Variants in NELL1 observed in about 807,000 individuals in gnomAD.
NELL1 encodes the protein protein kinase C-binding protein NELL1.
In NELL1, 76 loss-of-function variants were observed where a neutral mutation model predicts 107.4. The observed-to-expected ratio is 0.71, with a 90% confidence interval of 0.59 to 0.86. The LOEUF (loss-of-function observed/expected upper bound fraction) is 0.86, where lower values mean the gene tolerates loss of function less well. NELL1 is among the 40% of genes least tolerant of loss of function. The pLI, the probability that NELL1 is intolerant of heterozygous loss-of-function variation, is 0.00. For synonymous variants in NELL1, 353 were observed against 341.2 expected, an observed-to-expected ratio of 1.03 and a Z score of -0.38; for missense variants, 1,024 against 1,005.5, an observed-to-expected ratio of 1.02 and a Z score of -0.25.
intron 14 of NELL1, among the ~76,000 whole-genome samples, chr11:21,331,384 T>C (rs1248875062): frequency 6.6e-6 from 1 of 152,080 alleles, no homozygotes; most frequent in Admixed American, 6.6e-5. Context: ...GTTTGCATGC[T>C]TATTTGTTTA....
At position 21,007,272 on chromosome 11, in the gene NELL1, C is replaced by G. The variant is rs190435762; in HGVS notation, c.1300+46712C>G. ...TTCTGAAATCACTAGAACCTTTAAA[C>G]TTGCTACAAATGTCAGTTTTTAGTG... is the stretch of plus-strand genomic sequence containing the variant. On this transcript the variant is annotated intron_variant, in intron 12 of 19. Coordinates refer to ENST00000357134, the MANE Select transcript of NELL1 (RefSeq NM_006157.5). 5.9e-5 allele frequency among the ~76,000 whole-genome samples: 9 copies of G among 152,196 alleles called. No individual in the cohort carries two copies. In the East Asian group the frequency reaches 1.2e-3, roughly 20 times the overall value.
At chr11:21,372,693 G>A (rs1479925170) in intron 15 of NELL1, among the ~76,000 whole-genome samples, 1 of 151,678 alleles carries the variant, frequency 6.6e-6, no homozygotes, top group African/African-American at 2.4e-5. Context: ...ATCAGGGGGT[G>A]GTTTCACGAA....
At chr11:20,791,005 T>A (rs1456481652) in intron 3 of NELL1, among the ~76,000 whole-genome samples, 3 of 152,242 alleles carry the variant, frequency 2.0e-5, no homozygotes, top group African/African-American at 7.2e-5. Context: ...GTTTGGAAAT[T>A]GATGAATCTT....
At chr11:21,259,932 A>G (rs958072484) in intron 14 of NELL1, 6 of 151,894 alleles carry the variant, frequency 4.0e-5, no homozygotes, top group African/African-American at 9.7e-5. Context: ...GATGTGATTT[A>G]TGTACACTCA....
intron 14 of NELL1, among the ~76,000 whole-genome samples, chr11:21,339,268 C>T (rs369348312): frequency 8.6e-5 from 13 of 152,030 alleles, no homozygotes; most frequent in Admixed American, 5.9e-4. Context: ...GCAAGACAAC[C>T]GTATAAAGGT....
chr11:21,573,282 AC>A lies in NELL1; in HGVS notation c.2259del (p.Cys754AlafsTer2), dbSNP rs776718766. Reference protein sequence around the residue: ...EGECCPRCVSDPCLADNITYD... With the variant: ...EGECCPRCVSXPCLADNITYD... The stretch of plus-strand genomic sequence containing the variant: ...GAATGTTGTCCCCGCTGTGTCAGTG[AC>A]CCCTGCCTAGCTGATAACATCACCT... On this transcript the variant is annotated frameshift_variant, in exon 19 of 20. Transcript: ENST00000357134. LOFTEE classifies it high-confidence loss of function. 1.9e-6 allele frequency: 3 copies of A among 1,612,394 alleles called. No homozygotes were observed. Among genetic ancestry groups the A allele is most frequent in the African/African-American group, 2.7e-5 (2 of 74,756 alleles).
chr11:21,490,458 C>CAAAA (rs66826369), intron 15 of NELL1, among the ~76,000 whole-genome samples: 1 of 109,978 alleles, frequency 9.1e-6, no homozygotes, highest in African/African-American at 3.4e-5. Context: ...TGTATGGAAC[C>CAAAA]AAAAAAAAAA....
chr11:21,149,620 G>A (rs1261322562), intron 13 of NELL1, among the ~76,000 whole-genome samples: 2 of 152,182 alleles, frequency 1.3e-5, no homozygotes, highest in Non-Finnish European at 2.9e-5. Context: ...TTCAAGGTGA[G>A]ATTTGGATGG....
At chr11:21,529,219 T>C (rs1201809983) in intron 15 of NELL1, among the ~76,000 whole-genome samples, 5 of 152,174 alleles carry the variant, frequency 3.3e-5, no homozygotes, top group African/African-American at 9.7e-5. Flanking sequence ...TTCCTGGAAA[T>C]TGGCCTGTAG....
chr11:21,346,964 T>G (rs904690219), intron 14 of NELL1, among the ~76,000 whole-genome samples: 2 of 152,112 alleles, frequency 1.3e-5, no homozygotes, highest in Non-Finnish European at 2.9e-5. Context: ...GTTTAGGAGA[T>G]TATATGCCTG....
In NELL1 at chr11:20,817,292, T is replaced by A. The variant is rs973578596; in HGVS notation, c.336-30291T>A. Among the ~76,000 whole-genome samples the A allele has an allele frequency of 2.9e-4, 44 of 152,042 alleles. 1 individual carries two copies. Among genetic ancestry groups the A allele is most frequent in the African/African-American group, 1.1e-3 (44 of 41,438 alleles). On this transcript the variant is annotated intron_variant, in intron 3 of 19. Coordinates refer to ENST00000357134, the MANE Select transcript of NELL1 (RefSeq NM_006157.5). Reference sequence around the variant, plus strand: ...CTAGGGCTTTTTTTTGCTTGGTAATTTTTTTACTGACTAAATTTCAGATCT... The same window carrying A: ...CTAGGGCTTTTTTTTGCTTGGTAATATTTTTACTGACTAAATTTCAGATCT...
At chr11:21,441,930 T>A (rs572183427) in intron 15 of NELL1, among the ~76,000 whole-genome samples, 1 of 152,332 alleles carries the variant, frequency 6.6e-6, no homozygotes, top group South Asian at 2.1e-4. Context: ...ATGTTACTTT[T>A]ATCATCCTCC....
At chr11:21,444,791 C>T (rs867369405) in intron 15 of NELL1, among the ~76,000 whole-genome samples, 8 of 151,948 alleles carry the variant, frequency 5.3e-5, no homozygotes, top group Non-Finnish European at 1.0e-4. Flanking sequence ...TTATACTCAC[C>T]CTGTTGTGCT....
At chr11:21,031,535 C>A (rs564276163) in intron 12 of NELL1, among the ~76,000 whole-genome samples, 5 of 152,310 alleles carry the variant, frequency 3.3e-5, no homozygotes, top group Admixed American at 2.0e-4. Context: ...CTGCCTGTTT[C>A]CCTTCCTCAT....
chr11:21,218,522 A>C (rs1857673675), intron 13 of NELL1, among the ~76,000 whole-genome samples: 1 of 152,250 alleles, frequency 6.6e-6, no homozygotes, highest in African/African-American at 2.4e-5. Flanking sequence ...CCAGTATTTA[A>C]AAATATGCAA....
At chr11:21,000,208 A>G (rs1852185225) in intron 12 of NELL1, among the ~76,000 whole-genome samples, 5 of 152,144 alleles carry the variant, frequency 3.3e-5, no homozygotes, top group Non-Finnish European at 1.5e-5. Flanking sequence ...CGGCACATGT[A>G]TACATATGTA....
rs756046315 is a variant in NELL1, at chr11:20,677,996, C to T, written c.120C>T (p.Asn40=). 6.2e-7 allele frequency: 1 copy of T among 1,614,148 alleles called. No individual in the cohort carries two copies. The highest frequency in any genetic ancestry group is 8.5e-7 in the Non-Finnish European group (1 of 1,179,998). Residue 40 remains asparagine, a synonymous_variant, in exon 2 of 20, where the codon AAC becomes AAT. Coordinates refer to ENST00000357134, the MANE Select transcript of NELL1 (RefSeq NM_006157.5). ...TCGTCACCGAGCTTGACCTTGTGAACACCACCCTTGGAGTTGCTCAGGTGT... is the reference window on the plus strand; with the variant it reads ...TCGTCACCGAGCTTGACCTTGTGAATACCACCCTTGGAGTTGCTCAGGTGT... ...MDIVTELDLV[N]TTLGVAQVSG...
At chr11:21,226,702 A>G (rs1032561243) in intron 13 of NELL1, among the ~76,000 whole-genome samples, 1 of 152,168 alleles carries the variant, frequency 6.6e-6, no homozygotes, top group Admixed American at 6.5e-5. Context: ...AAATTTGCAA[A>G]TATCATCACA....
chr11:20,946,435 A>C (rs1850964032), intron 10 of NELL1, among the ~76,000 whole-genome samples: 1 of 152,224 alleles, frequency 6.6e-6, no homozygotes, highest in South Asian at 2.1e-4. Context: ...CATCATACTA[A>C]ATACAGATGC....
Sources: allele counts gnomAD v4.1 joint callset (sites outside exome capture counted in the v4.1 genomes callset), GRCh38; gene constraint gnomAD v4.1.1; transcripts MANE v1.5; gene names NCBI Gene and HGNC (gene_info 2026-07-23, HGNC 2026-07-21).